Variants in MKLN1 observed in about 807,000 individuals in gnomAD.
MKLN1 encodes muskelin.
Under a neutral mutation model 99.0 loss-of-function variants are expected in MKLN1, and 18 were observed. The observed-to-expected ratio is 0.18, with a 90% CI of 0.13 to 0.27. The LOEUF (loss-of-function observed/expected upper bound fraction) is 0.27. Ranked by LOEUF, MKLN1 falls within the 10% of genes least tolerant of loss-of-function variation. The pLI, the probability that MKLN1 is intolerant of heterozygous loss-of-function variation, is 1.00. For synonymous variants in MKLN1, 288 were observed against 293.2 expected (o/e 0.98, Z 0.18); for missense variants, 621 against 875.9 (o/e 0.71, Z 3.67).
intron 3 of MKLN1, chr7:131,242,657 A>T: frequency 3.4e-6 from 2 of 584,670 alleles, no homozygotes; most frequent in Non-Finnish European, 6.5e-6. Flanking sequence ...CTGGATGCAA[A>T]GCCATCATCG....
At chr7:131,127,385 G>T (rs758963054) in intron 1 of MKLN1, among the ~76,000 whole-genome samples, 1 of 152,064 alleles carries the variant, frequency 6.6e-6, no homozygotes, top group Non-Finnish European at 1.5e-5. Context: ...GAGGAGAGTG[G>T]GCGAGTACGA....
At chr7:131,138,670 C>T (rs746931345) in intron 1 of MKLN1, among the ~76,000 whole-genome samples, 6 of 151,638 alleles carry the variant, frequency 4.0e-5, no homozygotes, top group African/African-American at 1.2e-4. Flanking sequence ...CAATATTCAG[C>T]GGGTAAGTGA....
At chr7:131,384,622 G>A (rs1447791067) in intron 2 of MKLN1, among the ~76,000 whole-genome samples, 1 of 152,118 alleles carries the variant, frequency 6.6e-6, no homozygotes, top group Admixed American at 6.5e-5. Flanking sequence ...GTTATAATTT[G>A]TTATGGAAAC....
intron 3 of MKLN1, among the ~76,000 whole-genome samples, chr7:131,315,552 G>A (rs566852436): frequency 6.6e-6 from 1 of 152,140 alleles, no homozygotes; most frequent in African/African-American, 2.4e-5. Context: ...AGACAGAACT[G>A]TTCACTCCCC....
At position 131,495,622 on chromosome 7, in the gene MKLN1, C is replaced by A. The variant is rs1380710346; in HGVS notation, c.*7894C>A. ...AAAAAAAAAATTAACACAGCCATTC[C>A]ATTGTTTTTTACCACATGGAGAAAG... is the stretch of plus-strand genomic sequence containing the variant. On this transcript the variant is annotated 3_prime_UTR_variant, in exon 18 of 18. Coordinates refer to ENST00000352689, the MANE Select transcript of MKLN1 (RefSeq NM_013255.5). 1 of 152,032 alleles carries A rather than the reference C, an allele frequency of 6.6e-6. No homozygotes were observed. Among genetic ancestry groups the A allele is most frequent in the African/African-American group, 2.4e-5 (1 of 41,394 alleles). 9.4% of individuals were successfully genotyped at this position (152,032 alleles called of 1,614,324 possible). A position where few individuals can be genotyped will look rare whatever the true frequency, so the allele number is the denominator to read the frequency against.
chr7:131,163,261 G>A (rs1219543978), intron 2 of MKLN1, among the ~76,000 whole-genome samples: 1 of 152,244 alleles, frequency 6.6e-6, no homozygotes, highest in Non-Finnish European at 1.5e-5. Flanking sequence ...AATGGTCTAT[G>A]AAGTTCTGTA....
intron 3 of MKLN1, among the ~76,000 whole-genome samples, chr7:131,248,170 C>G (rs1003956976): frequency 1.3e-5 from 2 of 152,004 alleles, no homozygotes; most frequent in African/African-American, 4.8e-5. Flanking sequence ...AAGTGATCTG[C>G]CTCCCTCGGC....
intron 2 of MKLN1, among the ~76,000 whole-genome samples, chr7:131,196,534 T>C (rs1211048884): frequency 1.3e-5 from 2 of 152,170 alleles, no homozygotes; most frequent in African/African-American, 2.4e-5. Context: ...TTCATTTTTT[T>C]TTTTCCAAAA....
At chr7:131,391,080 A>G (rs1794185551) in intron 4 of MKLN1, among the ~76,000 whole-genome samples, 1 of 151,388 alleles carries the variant, frequency 6.6e-6, no homozygotes, top group South Asian at 2.1e-4. Context: ...TTTTTTTTTT[A>G]AGTAATATAA....
chr7:131,343,097 A>G (rs1406158810), intron 1 of MKLN1, among the ~76,000 whole-genome samples: 1 of 152,240 alleles, frequency 6.6e-6, no homozygotes, highest in Admixed American at 6.5e-5. Flanking sequence ...ACTGTTGGGT[A>G]AGGCTTAAGG....
intron 8 of MKLN1, among the ~76,000 whole-genome samples, chr7:131,416,950 C>T (rs1795033825): frequency 1.4e-5 from 2 of 147,126 alleles, no homozygotes; most frequent in African/African-American, 2.5e-5. Flanking sequence ...CCACTGCACA[C>T]CTGCCTGGGC....
intron 14 of MKLN1, 76 bp from the exon 15 acceptor site, chr7:131,466,200 C>A: frequency 1.0e-6 from 1 of 1,002,962 alleles, no homozygotes; most frequent in Non-Finnish European, 1.4e-6. Context: ...AGGAAGTTAA[C>A]CTGTTATGCA....
At chr7:131,275,365 G>GTTTTTTTT (rs909251138) in intron 3 of MKLN1, among the ~76,000 whole-genome samples, 1 of 105,204 alleles carries the variant, frequency 9.5e-6, no homozygotes, top group Non-Finnish European at 1.9e-5. Context: ...GTTGTTGTTG[G>GTTTTTTTT]TTTTTTTTTT....
chr7:131,168,588 G>A (rs1203960854), intron 2 of MKLN1, among the ~76,000 whole-genome samples: 1 of 151,976 alleles, frequency 6.6e-6, no homozygotes, highest in Non-Finnish European at 1.5e-5. Context: ...GACATATTAT[G>A]TATTTACTTA....
At chr7:131,226,771 C>G (rs1409560493) in intron 3 of MKLN1, among the ~76,000 whole-genome samples, 1 of 151,914 alleles carries the variant, frequency 6.6e-6, no homozygotes, top group South Asian at 2.1e-4. Flanking sequence ...GGTATATATC[C>G]TCTCATTTGC....
intron 3 of MKLN1, among the ~76,000 whole-genome samples, chr7:131,206,530 G>GTGTAATTATTAT (rs754090884): frequency 0.15 from 22,246 of 144,596 alleles, 1,920 homozygotes; most frequent in Admixed American, 0.24. Context: ...GTATGTATGT[G>GTGTAATTATTAT]TATAATTATT....
intron 6 of MKLN1, among the ~76,000 whole-genome samples, chr7:131,405,424 G>A (rs1047638711): frequency 6.6e-5 from 10 of 151,970 alleles, no homozygotes; most frequent in South Asian, 4.1e-4. Context: ...TTTTTGGTTT[G>A]TTCATCTTTT....
chr7:131,207,449 C>A (rs113991558), intron 3 of MKLN1, among the ~76,000 whole-genome samples: 67 of 152,170 alleles, frequency 4.4e-4, no homozygotes, highest in Non-Finnish European at 8.4e-4. Context: ...CCGCCCACCT[C>A]GGCCTCCCAA....
chr7:131,259,722 G>C (rs978602280), intron 3 of MKLN1, among the ~76,000 whole-genome samples: 12 of 152,084 alleles, frequency 7.9e-5, no homozygotes, highest in African/African-American at 2.9e-4. Context: ...TCATTTTTAA[G>C]TGTACAATTT....
Sources: gnomAD v4.1 joint callset for allele counts (sites outside exome capture counted in the v4.1 genomes callset) on GRCh38, gnomAD v4.1.1 for gene constraint, MANE v1.5 for transcripts, NCBI Gene and HGNC (gene_info 2026-07-23, HGNC 2026-07-21) for gene names.